Variants in CLNK observed in about 807,000 individuals in gnomAD.
CLNK encodes cytokine dependent hematopoietic cell linker, also known as cytokine-dependent hematopoietic cell linker.
In CLNK, 74 loss-of-function variants were observed where a neutral mutation model predicts 68.6. The observed-to-expected ratio is 1.08, with a 90% CI of 0.89 to 1.31. The LOEUF (loss-of-function observed/expected upper bound fraction) is 1.31. CLNK is among the 50% of genes most tolerant of loss of function. The pLI, the probability that CLNK is intolerant of heterozygous loss-of-function variation, is 0.00. For synonymous variants in CLNK, 198 were observed against 172.2 expected (o/e 1.15, Z -1.17); for missense variants, 553 against 515.3 (o/e 1.07, Z -0.71).
chr4:10,708,316 A>C, the CLNK span, among the ~76,000 whole-genome samples: 15 of 152,206 alleles, frequency 9.9e-5, no homozygotes, highest in African/African-American at 3.6e-4. Flanking sequence ...TATTATTTCT[A>C]GATACTATTC....
In CLNK at chr4:10,487,918, C is replaced by T. The variant is rs1398370392; in HGVS notation, c.*2549G>A. On this transcript the variant is annotated 3_prime_UTR_variant, in exon 19 of 19. Transcript: ENST00000226951. The stretch of plus-strand genomic sequence containing the variant: ...CCCTTTTATCTTTCTCAAACATTAA[C>T]CTCCAATCAGTGTTTGCACTTCTAA... 3 of 152,132 alleles carry T rather than the reference C, an allele frequency of 2.0e-5. No individual in the cohort carries two copies. Among genetic ancestry groups the T allele is most frequent in the Non-Finnish European group, 4.4e-5 (3 of 68,036 alleles). The allele number at this position is 152,132 out of a possible 1,614,324, so 9.4% of individuals were successfully genotyped here. A position where few individuals can be genotyped will look rare whatever the true frequency, so the allele number is the denominator to read the frequency against.
chr4:10,596,335 C>G (rs1297009947), intron 3 of CLNK, among the ~76,000 whole-genome samples: 1 of 152,164 alleles, frequency 6.6e-6, no homozygotes, highest in Non-Finnish European at 1.5e-5. Flanking sequence ...TCAAATATCA[C>G]TTCTAAAACA....
At chr4:10,667,031 C>G (rs1724427303) in intron 2 of CLNK, among the ~76,000 whole-genome samples, 1 of 152,192 alleles carries the variant, frequency 6.6e-6, no homozygotes, top group East Asian at 1.9e-4. Context: ...CCAGGCAGTC[C>G]TCCTCCCTGA....
intron 17 of CLNK, among the ~76,000 whole-genome samples, chr4:10,505,213 G>T (rs1467232768): frequency 1.3e-5 from 2 of 152,188 alleles, no homozygotes; most frequent in Non-Finnish European, 2.9e-5. Flanking sequence ...AAAGAGGATA[G>T]GAAGGTCCTC....
In CLNK at chr4:10,490,542, A is replaced by C. The variant is rs1027186826; in HGVS notation, c.1212T>G (p.Asp404Glu). Residue 404 changes from aspartate to glutamate, a missense_variant, in exon 19 of 19, where the codon GAT (aspartate) becomes GAG (glutamate). Asp to Glu is a conservative substitution (Grantham distance 45, BLOSUM62 2). Coordinates refer to ENST00000226951, the MANE Select transcript of CLNK (RefSeq NM_052964.4). ...NFPIILIDGK[D>E]KTGVHRKQCH... ...ACTGTTTCCTGTGGACCCCAGTTTT[A>C]TCTTTCCCATCAATTAGTATAATGG... 4.4e-6 allele frequency: 7 copies of C among 1,606,856 alleles called. No homozygotes were observed. Among genetic ancestry groups the C allele is most frequent in the Non-Finnish European group, 5.9e-6 (7 of 1,176,546 alleles).
chr4:10,728,086 C>G, the CLNK span, among the ~76,000 whole-genome samples: 1 of 152,124 alleles, frequency 6.6e-6, no homozygotes, highest in Non-Finnish European at 1.5e-5. Context: ...GTTGTCAGAA[C>G]TGGGGAAAGG....
chr4:10,606,430 CTT>C, intron 2 of CLNK, among the ~76,000 whole-genome samples: 1 of 145,876 alleles, frequency 6.9e-6, no homozygotes, highest in Admixed American at 6.8e-5. Flanking sequence ...TTACAGTTAA[CTT>C]TTTTTTTTTT....
chr4:10,537,969 T>C (rs1454027588), intron 11 of CLNK, among the ~76,000 whole-genome samples: 2 of 151,904 alleles, frequency 1.3e-5, no homozygotes, highest in Non-Finnish European at 2.9e-5. Context: ...TCTGAAGTCA[T>C]ACTGCCAAAA....
chr4:10,729,613 T>C, the CLNK span, among the ~76,000 whole-genome samples: 20 of 152,210 alleles, frequency 1.3e-4, no homozygotes, highest in South Asian at 2.1e-4. Context: ...AAGAATGAAA[T>C]CATGCCTTTT....
At chr4:10,663,580 CTTGTA>C (rs1300777818) in intron 2 of CLNK, among the ~76,000 whole-genome samples, 1 of 152,118 alleles carries the variant, frequency 6.6e-6, no homozygotes, top group Non-Finnish European at 1.5e-5. Context: ...TGTGCATGTG[CTTGTA>C]TTGTATGTCT....
intron 1 of CLNK, among the ~76,000 whole-genome samples, chr4:10,681,011 A>G (rs1725076023): frequency 1.3e-5 from 2 of 152,124 alleles, no homozygotes; most frequent in Admixed American, 6.5e-5. Flanking sequence ...ATAAATTTCT[A>G]CAGGTAACCA....
At chr4:10,689,745 A>ATTTTTTTTTTTTTTTTTTTTTT (rs71651341), upstream of CLNK, among the ~76,000 whole-genome samples, 1 of 100,094 alleles carries the variant, frequency 1.0e-5, no homozygotes. Flanking sequence ...AAACCCATGC[A>ATTTTTTTTTTTTTTTTTTTTTT]TTTTTTTTTT....
At chr4:10,691,050 G>A in the CLNK span, among the ~76,000 whole-genome samples, 2 of 152,120 alleles carry the variant, frequency 1.3e-5, no homozygotes, top group African/African-American at 4.8e-5. Context: ...TTTGAGCTGA[G>A]GTCTAAGTAA....
At chr4:10,645,903 T>C (rs1723492753) in intron 2 of CLNK, among the ~76,000 whole-genome samples, 1 of 152,192 alleles carries the variant, frequency 6.6e-6, no homozygotes, top group Non-Finnish European at 1.5e-5. Flanking sequence ...ACCTTGATTT[T>C]TTAATGGGCT....
intron 2 of CLNK, among the ~76,000 whole-genome samples, chr4:10,618,181 T>C (rs1050684651): frequency 6.6e-6 from 1 of 152,224 alleles, no homozygotes; most frequent in Non-Finnish European, 1.5e-5. Flanking sequence ...CAATGGAATA[T>C]TATTTAGCAA....
intron 2 of CLNK, among the ~76,000 whole-genome samples, chr4:10,643,942 A>G (rs752414317): frequency 3.3e-5 from 5 of 152,354 alleles, no homozygotes; most frequent in Non-Finnish European, 7.3e-5. Flanking sequence ...CTATGCATGC[A>G]GGCCTGAAAC....
At chr4:10,665,667 A>G (rs1281511261) in intron 2 of CLNK, among the ~76,000 whole-genome samples, 1 of 151,292 alleles carries the variant, frequency 6.6e-6, no homozygotes, top group Non-Finnish European at 1.5e-5. Context: ...CGTCTCAAAA[A>G]AAAAAAAAAA....
intron 2 of CLNK, among the ~76,000 whole-genome samples, chr4:10,649,263 A>AT (rs1170789556): frequency 6.6e-6 from 1 of 152,212 alleles, no homozygotes; most frequent in East Asian, 1.9e-4. Context: ...AGATATCATG[A>AT]TTAACCTTCA....
the CLNK span, among the ~76,000 whole-genome samples, chr4:10,707,486 T>G: frequency 6.6e-6 from 1 of 152,250 alleles, no homozygotes; most frequent in African/African-American, 2.4e-5. Context: ...CTTCAAGATA[T>G]TCCACCTACC....
Sources: gnomAD v4.1 joint callset for allele counts (sites outside exome capture counted in the v4.1 genomes callset) on GRCh38, gnomAD v4.1.1 for gene constraint, MANE v1.5 for transcripts, NCBI Gene and HGNC (gene_info 2026-07-23, HGNC 2026-07-21) for gene names.